The following DPF3 variants were observed in gnomAD, a reference collection of about 807,000 sequenced individuals.
The protein encoded by DPF3 is double PHD fingers 3.
In DPF3, 18 loss-of-function variants were observed where a neutral mutation model predicts 56.8. That is an observed-to-expected ratio of 0.32 (90% CI 0.22 to 0.47). The LOEUF is 0.47. Among genes scored for constraint, DPF3 ranks in the 20% least tolerant of loss-of-function variants. The pLI, the probability that DPF3 is intolerant of heterozygous loss-of-function variation, is 1.00. For synonymous variants in DPF3, 188 were observed against 180.2 expected (o/e 1.04, Z -0.35); for missense variants, 403 against 488.8 (o/e 0.82, Z 1.65).
intron 2 of DPF3, among the ~76,000 whole-genome samples, chr14:72,760,064 T>G (rs1011908502): frequency 1.7e-5 from 2 of 116,506 alleles, no homozygotes; most frequent in Non-Finnish European, 3.8e-5. Context: ...GACCTAAATT[T>G]GGATCTACAC....
intron 2 of DPF3, among the ~76,000 whole-genome samples, chr14:72,755,801 C>T (rs1890764276): frequency 6.6e-6 from 1 of 152,134 alleles, no homozygotes; most frequent in South Asian, 2.1e-4. Flanking sequence ...AGCAAATGGT[C>T]GCAAGAGCTC....
At chr14:72,790,710 T>C (rs910795479) in intron 1 of DPF3, among the ~76,000 whole-genome samples, 3 of 152,140 alleles carry the variant, frequency 2.0e-5, no homozygotes, top group African/African-American at 4.8e-5. Context: ...GTCCATGATA[T>C]TAAGCATTCT....
At chr14:72,752,747 TA>T (rs1176946678) in intron 3 of DPF3, among the ~76,000 whole-genome samples, 1 of 152,136 alleles carries the variant, frequency 6.6e-6, no homozygotes, top group Non-Finnish European at 1.5e-5. Flanking sequence ...ATCACACGGG[TA>T]AATTGTAATC....
intron 1 of DPF3, among the ~76,000 whole-genome samples, chr14:72,790,197 G>A (rs1435216496): frequency 6.6e-6 from 1 of 152,194 alleles, no homozygotes; most frequent in East Asian, 1.9e-4. Flanking sequence ...GACCAGCCTG[G>A]TCAACAAAGC....
In DPF3 at chr14:72,612,937, C is replaced by A. The variant is rs1429568516; in HGVS notation, c.*6360G>T. 1.3e-5 allele frequency among the ~76,000 whole-genome samples: 2 copies of A among 152,044 alleles called. No individual in the cohort carries two copies. The highest frequency in any genetic ancestry group is 6.6e-5 in the Admixed American group (1 of 15,254). ...ATGCACCTTGCCTGGCAGCCCCTGGCTCTCCCTCTTGTCCTGGAGCAACAT... is the reference window on the plus strand; with the variant it reads ...ATGCACCTTGCCTGGCAGCCCCTGGATCTCCCTCTTGTCCTGGAGCAACAT... On this transcript the variant is annotated 3_prime_UTR_variant, in exon 11 of 11. Transcript: ENST00000556509.
intron 3 of DPF3, among the ~76,000 whole-genome samples, chr14:72,750,503 G>T (rs76195875): frequency 0.045 from 6,851 of 152,032 alleles, 245 homozygotes; most frequent in Admixed American, 0.094. Flanking sequence ...CATATGAGAC[G>T]TCCTCATATA....
chr14:72,751,333 T>G (rs957534365), intron 3 of DPF3, among the ~76,000 whole-genome samples: 2 of 152,374 alleles, frequency 1.3e-5, no homozygotes, highest in East Asian at 3.9e-4. Flanking sequence ...GGGTGACATG[T>G]AGCCTAGCTA....
intron 2 of DPF3, among the ~76,000 whole-genome samples, chr14:72,756,902 G>GA (rs1203399335): frequency 0.013 from 1,413 of 112,488 alleles, 52 homozygotes; most frequent in African/African-American, 0.053. Flanking sequence ...AGAAAGAAAA[G>GA]AAAAAAAGAA....
rs543859595 is a variant in DPF3, at chr14:72,736,779, T to G, written c.302-4845A>C. Among the ~76,000 whole-genome samples the G allele has an allele frequency of 2.4e-4, 37 of 152,190 alleles. No homozygotes were observed. In the East Asian group the frequency reaches 5.6e-3, roughly 23 times the overall value. ...ATAGGATTTAATAATTCTTTGAAAG[T>G]GTACTCATTTTGAACCTCACACAAA... is the stretch of plus-strand genomic sequence containing the variant. On this transcript the variant is annotated intron_variant, in intron 3 of 10. Transcript: ENST00000556509.
At chr14:72,876,673 T>C (rs964317925) in intron 1 of DPF3, among the ~76,000 whole-genome samples, 8 of 152,058 alleles carry the variant, frequency 5.3e-5, no homozygotes, top group African/African-American at 1.9e-4. Context: ...TTTGTTCACT[T>C]CCCTTTGGTG....
At chr14:72,696,210 G>T (rs549708185) in intron 6 of DPF3, among the ~76,000 whole-genome samples, 1 of 152,214 alleles carries the variant, frequency 6.6e-6, no homozygotes, top group Non-Finnish European at 1.5e-5. Flanking sequence ...CAGATCCCCA[G>T]TATAAACTCA....
chr14:72,838,856 G>A (rs1884416449), intron 1 of DPF3, among the ~76,000 whole-genome samples: 1 of 137,858 alleles, frequency 7.3e-6, no homozygotes, highest in Non-Finnish European at 1.5e-5. Context: ...TATATGGTAT[G>A]TCTCTTGCTA....
intron 5 of DPF3, among the ~76,000 whole-genome samples, chr14:72,721,788 T>G (rs1008368162): frequency 1.3e-5 from 2 of 151,972 alleles, no homozygotes; most frequent in Admixed American, 1.3e-4. Context: ...TCTAAGCAAG[T>G]TTCTAATCAA....
chr14:72,777,413 A>G (rs1254181527), intron 1 of DPF3, among the ~76,000 whole-genome samples: 2 of 152,218 alleles, frequency 1.3e-5, no homozygotes, highest in African/African-American at 4.8e-5. Flanking sequence ...TTCCTAATGC[A>G]TCTCTTGAAA....
At chr14:72,840,202 C>A (rs1884488488) in intron 1 of DPF3, among the ~76,000 whole-genome samples, 1 of 152,202 alleles carries the variant, frequency 6.6e-6, no homozygotes, top group African/African-American at 2.4e-5. Flanking sequence ...CACAGCTGAT[C>A]TGGAGGGTAA....
At chr14:72,668,842 A>AT (rs1886545472) in intron 8 of DPF3, among the ~76,000 whole-genome samples, 1 of 152,240 alleles carries the variant, frequency 6.6e-6, no homozygotes, top group Non-Finnish European at 1.5e-5. Flanking sequence ...AATCCCATGA[A>AT]TCCAATATCT....
rs1055169416 is a variant in DPF3, at chr14:72,611,993, G to T, written c.*7304C>A. 1.3e-5 allele frequency among the ~76,000 whole-genome samples: 2 copies of T among 152,188 alleles called. No homozygotes were observed. The highest frequency in any genetic ancestry group is 4.8e-5 in the African/African-American group (2 of 41,442). On this transcript the variant is annotated 3_prime_UTR_variant, in exon 11 of 11. Coordinates refer to ENST00000556509, the MANE Select transcript of DPF3 (RefSeq NM_001280542.3). ...AACTTGAAGGCTAGGCCAGCATGCG[G>T]TTTATTTTCCAGCCCCTACAGGACC...
chr14:72,861,631 A>G (rs1324829120), intron 1 of DPF3, among the ~76,000 whole-genome samples: 1 of 152,056 alleles, frequency 6.6e-6, no homozygotes, highest in Non-Finnish European at 1.5e-5. Context: ...AACAAAGACT[A>G]CATTTGGTGC....
intron 8 of DPF3, among the ~76,000 whole-genome samples, chr14:72,658,446 A>G (rs1196464381): frequency 1.3e-5 from 2 of 152,142 alleles, no homozygotes; most frequent in Non-Finnish European, 2.9e-5. Context: ...AGTTACATGG[A>G]GTGATTTGGG....
Sources: gnomAD v4.1 joint callset for allele counts (sites outside exome capture counted in the v4.1 genomes callset) on GRCh38, gnomAD v4.1.1 for gene constraint, MANE v1.5 for transcripts, NCBI Gene and HGNC (gene_info 2026-07-23, HGNC 2026-07-21) for gene names.